DDX3Y: variants seen among roughly 807,000 people sequenced by gnomAD.
DDX3Y encodes the protein DEAD-box helicase 3 Y-linked, also known as ATP-dependent RNA helicase DDX3Y.
Under a neutral mutation model 15.1 loss-of-function variants are expected in DDX3Y, and 2 were observed. That is an observed-to-expected ratio of 0.13 (90% confidence interval 0.05 to 0.42). The LOEUF is 0.42. Among genes scored for constraint, DDX3Y ranks in the 10% least tolerant of loss-of-function variants. DDX3Y has a pLI of 0.99. For synonymous variants in DDX3Y, 47 were observed against 45.0 expected, an observed-to-expected ratio of 1.04 and a Z score of -0.18; for missense variants, 81 against 149.9, an observed-to-expected ratio of 0.54 and a Z score of 2.40.
chrY:12,916,531 A>T lies in DDX3Y; in HGVS notation c.1506A>T (p.Gly502=). 2.5e-6 allele frequency: 1 copy of T among 397,295 alleles called. No individual in the cohort carries two copies. The highest frequency in any genetic ancestry group is 3.5e-6 in the Non-Finnish European group (1 of 282,857). The change falls in exon 14 of 17, where the codon GGA becomes GGT. Residue 502 remains glycine, a synonymous_variant. Coordinates refer to ENST00000336079, the MANE Select transcript of DDX3Y (RefSeq NM_004660.5). ...ILVATAVAAR[G]LDISNVRHVI... ...TAATTTTTCAGGTGGCAGCACGAGG[A>T]CTAGACATTTCAAATGTGAGACATG...
intron 1 of DDX3Y, chrY:12,905,695 T>C (rs2053609214): frequency 3.4e-6 from 1 of 297,342 alleles, no homozygotes. Context: ...ATGGAAAGTT[T>C]TGTGACGCAG....
At position 12,915,177 on chromosome Y, in the gene DDX3Y, A is replaced by T. The variant is rs753218571; in HGVS notation, c.969A>T (p.Gly323=). The T allele has an allele frequency of 2.5e-6, 1 of 398,701 alleles. No individual in the cohort carries two copies. The highest frequency in any genetic ancestry group is 3.0e-5 in the South Asian group (1 of 33,787). The change falls in exon 10 of 17, where the codon GGA becomes GGT. Residue 323 remains glycine, a synonymous_variant. Coordinates refer to ENST00000336079, the MANE Select transcript of DDX3Y (RefSeq NM_004660.5). ...RGCHLLVATP[G]RLVDMMERGK... ...GCCACTTGTTAGTAGCCACTCCAGG[A>T]CGTCTAGTGGATATGATGGAAAGAG...
chrY:12,917,566 A>T, intron 16 of DDX3Y, 24 bp downstream of exon 16: 1 of 370,875 alleles, frequency 2.7e-6, no homozygotes, highest in Non-Finnish European at 3.7e-6. Flanking sequence ...TTCTTTTAGG[A>T]AGGGCTTTTT....
chrY:12,905,735 A>G, intron 1 of DDX3Y: 1 of 313,505 alleles, frequency 3.2e-6, no homozygotes, highest in Non-Finnish European at 4.3e-6. Context: ...TGGGGAGGGT[A>G]GGGAAGGATG....
Position 12,918,159 on chromosome Y carries a change from T to C in DDX3Y, c.*37T>C. ...AGCAAAGTCACCCTTACAAAGAAGCTAATATGGAAACCACATGTAACTTAG... is the reference window on the plus strand; with the variant it reads ...AGCAAAGTCACCCTTACAAAGAAGCCAATATGGAAACCACATGTAACTTAG... On this transcript the variant is annotated 3_prime_UTR_variant, in exon 17 of 17. Coordinates refer to ENST00000336079, the MANE Select transcript of DDX3Y (RefSeq NM_004660.5). The C allele has an allele frequency of 3.2e-6, 1 of 315,017 alleles. No individual in the cohort carries two copies. The highest frequency in any genetic ancestry group is 4.6e-6 in the Non-Finnish European group (1 of 216,794). The allele number at this position is 315,017 out of a possible 400,897, so 78.6% of individuals were successfully genotyped here. A position where few individuals can be genotyped will look rare whatever the true frequency, so the allele number is the denominator to read the frequency against.
chrY:12,917,674 G>T, intron 16 of DDX3Y, 132 bp downstream of exon 16: 1 of 171,163 alleles, frequency 5.8e-6, no homozygotes, highest in African/African-American at 1.0e-4. Context: ...TGACTCTCCT[G>T]CCTCAGCCTC....
rs2053607522 is a variant in DDX3Y at position 12,904,964 on chromosome Y, C to G, written c.28C>G (p.Pro10Ala). 2 of 398,933 alleles carry G rather than the reference C, an allele frequency of 5.0e-6. No individual in the cohort carries two copies. Among genetic ancestry groups the G allele is most frequent in the African/African-American group, 1.2e-4 (2 of 16,372 alleles). ...GAGTCATGTGGTGGTGAAAAATGAC[C>G]CTGAACTGGACCAGCAGGTGAGTCA... is the stretch of plus-strand genomic sequence containing the variant. MSHVVVKND[P>A]ELDQQLANLD... Residue 10 changes from proline (P) to alanine (A), a missense_variant, in exon 1 of 17, where the codon CCT (proline) becomes GCT (alanine). Transcript: ENST00000336079.
chrY:12,909,085 A>G, intron 2 of DDX3Y, among the ~76,000 whole-genome samples: 1 of 33,234 alleles, frequency 3.0e-5, no homozygotes, highest in African/African-American at 1.2e-4. Context: ...GGTAATTACC[A>G]TGTTTAATGG....
chrY:12,914,910 A>G lies in DDX3Y; in HGVS notation c.786A>G (p.Lys262=). 2.5e-6 allele frequency: 1 copy of G among 397,420 alleles called. No homozygotes were observed. Among genetic ancestry groups the G allele is most frequent in the South Asian group, 3.0e-5 (1 of 33,561 alleles). ...VKENGRYGRR[K]QYPISLVLAP... is the part of the protein sequence containing the mutation. ...AAAATGGAAGGTATGGGCGCCGCAA[A>G]CAATATCCAATATCCTTGGTTTTAG... Residue 262 remains lysine (K), a synonymous_variant, in exon 9 of 17, where the codon AAA becomes AAG. Coordinates refer to ENST00000336079, the MANE Select transcript of DDX3Y (RefSeq NM_004660.5).
At position 12,917,546 on chromosome Y, in the gene DDX3Y, A is replaced by G; in HGVS notation, c.1903+4A>G. On this transcript the variant is annotated splice_donor_region_variant and intron_variant, in intron 16 of 16. Transcript: ENST00000336079. ...AACAGCAGAGGATTTGGTGGAGGTA[A>G]TGTTAATTTTTCTTTTAGGAAGGGC... 2.6e-6 allele frequency: 1 copy of G among 380,878 alleles called. No homozygotes were observed. The highest frequency in any genetic ancestry group is 3.6e-6 in the Non-Finnish European group (1 of 276,115).
Position 12,917,541 on chromosome Y carries a change from A to C in DDX3Y, c.1902A>C (p.Gly634=). 4 of 377,165 alleles carry C rather than the reference A, an allele frequency of 1.1e-5. No homozygotes were observed. Among genetic ancestry groups the C allele is most frequent in the Non-Finnish European group, 1.5e-5 (4 of 273,495 alleles). 94.1% of individuals were successfully genotyped at this position (377,165 alleles called of 400,897 possible). A position where few individuals can be genotyped will look rare whatever the true frequency, so the allele number is the denominator to read the frequency against. ...GGYGNSRGFG[G]GGYGGFYNSD... The stretch of plus-strand genomic sequence containing the variant: ...ACGGCAACAGCAGAGGATTTGGTGG[A>C]GGTAATGTTAATTTTTCTTTTAGGA... Residue 634 remains glycine (G), a splice_region_variant and synonymous_variant, in exon 16 of 17, where the codon GGA becomes GGC. Coordinates refer to ENST00000336079, the MANE Select transcript of DDX3Y (RefSeq NM_004660.5).
At chrY:12,905,589 C>T in intron 1 of DDX3Y, 1 of 100,007 alleles carries the variant, frequency 1.0e-5, no homozygotes, top group Non-Finnish European at 2.0e-5. Flanking sequence ...TATAGCACAA[C>T]GTAACAAGTA....
At chrY:12,916,658 T>G in intron 14 of DDX3Y, 24 bp downstream of exon 14, 1 of 341,026 alleles carries the variant, frequency 2.9e-6, no homozygotes, top group Non-Finnish European at 4.3e-6. Context: ...TAGTTCATTT[T>G]TTTTTAATTG....
Position 12,913,857 on chromosome Y carries a change from A to G in DDX3Y, c.673+4A>G, listed in dbSNP as rs746491167. 2 of 390,994 alleles carry G rather than the reference A, an allele frequency of 5.1e-6. No homozygotes were observed. Among genetic ancestry groups the G allele is most frequent in the South Asian group, 6.2e-5 (2 of 32,250 alleles). Reference sequence around the variant, plus strand: ...TTAATGGCTTGTGCCCAAACAGGTAAGCTTACTCAATACAAAGTGAAAGTT... The same window carrying G: ...TTAATGGCTTGTGCCCAAACAGGTAGGCTTACTCAATACAAAGTGAAAGTT... On this transcript the variant is annotated splice_donor_region_variant and intron_variant, in intron 7 of 16. Coordinates refer to ENST00000336079, the MANE Select transcript of DDX3Y (RefSeq NM_004660.5).
At chrY:12,915,534 G>A in intron 10 of DDX3Y, 96 bp from the exon 11 acceptor site, 1 of 253,427 alleles carries the variant, frequency 3.9e-6, no homozygotes, top group Non-Finnish European at 6.3e-6. Flanking sequence ...GTTACTACTT[G>A]AGTTACTATA....
intron 1 of DDX3Y, chrY:12,905,910 TCTTTA>T (rs767806581): frequency 1.8e-3 from 223 of 126,401 alleles, no homozygotes; most frequent in South Asian, 6.3e-3. Flanking sequence ...TGGTATTGTA[TCTTTA>T]CTTTAGGCGA....
chrY:12,910,332 G>A, intron 3 of DDX3Y, among the ~76,000 whole-genome samples: 3 of 33,670 alleles, frequency 8.9e-5, no homozygotes, highest in African/African-American at 3.5e-4. Context: ...AATAGATCTA[G>A]ATTTAGGAAG....
In DDX3Y at chrY:12,916,046, T is replaced by C; in HGVS notation, c.1309+19T>C. ...GCAACAGGTAAATTATGAATAAGAATAGTGTCAGTTACATGTAAAGATAAT... is the reference window on the plus strand; with the variant it reads ...GCAACAGGTAAATTATGAATAAGAACAGTGTCAGTTACATGTAAAGATAAT... On this transcript the variant is annotated intron_variant, in intron 12 of 16. Coordinates refer to ENST00000336079, the MANE Select transcript of DDX3Y (RefSeq NM_004660.5). The C allele has an allele frequency of 2.6e-6, 1 of 386,635 alleles. No individual in the cohort carries two copies. Among genetic ancestry groups the C allele is most frequent in the South Asian group, 3.0e-5 (1 of 33,403 alleles).
chrY:12,905,703 C>G, intron 1 of DDX3Y: 18 of 302,168 alleles, frequency 6.0e-5, no homozygotes, highest in Non-Finnish European at 8.1e-5. Context: ...TTTTGTGACG[C>G]AGAAGGACCG....
Sources: gnomAD v4.1 joint callset for allele counts (sites outside exome capture counted in the v4.1 genomes callset) on GRCh38, gnomAD v4.1.1 for gene constraint, MANE v1.5 for transcripts, NCBI Gene and HGNC (gene_info 2026-07-23, HGNC 2026-07-21) for gene names.